Variants in ZFPM2 observed in about 807,000 individuals in gnomAD.
The protein encoded by ZFPM2 is zinc finger protein ZFPM2.
In ZFPM2, 20 loss-of-function variants were observed where a neutral mutation model predicts 98.6. The ratio of observed to expected loss-of-function variants is 0.20; its 90% CI spans 0.14 to 0.29. ZFPM2 has a LOEUF of 0.29. Ranked by LOEUF, ZFPM2 falls within the 10% of genes least tolerant of loss-of-function variation. ZFPM2 has a pLI of 1.00. For synonymous variants in ZFPM2, 518 were observed against 502.7 expected, an observed-to-expected ratio of 1.03 and a Z score of -0.41; for missense variants, 1,310 against 1,388.6, an observed-to-expected ratio of 0.94 and a Z score of 0.90.
chr8:105,700,792 C>T (rs139943487), intron 5 of ZFPM2, among the ~76,000 whole-genome samples: 19,236 of 152,164 alleles, frequency 0.13, 1,513 homozygotes, highest in South Asian at 0.3. Context: ...GACTGGGTTT[C>T]ACCATGTTGG....
At chr8:105,617,020 GAAAAAAAAAAAAAAAAAAAAAAA>G (rs773023421) in intron 4 of ZFPM2, among the ~76,000 whole-genome samples, 28 of 28,136 alleles carry the variant, frequency 1.0e-3, no homozygotes, top group South Asian at 5.5e-3. Context: ...ACTCTGTCTC[GAAAAAAAAAAAAAAAAAAAAAAA>G]AAAAAAAAAA....
chr8:105,766,801 A>G (rs1452701932), intron 5 of ZFPM2, among the ~76,000 whole-genome samples: 1 of 151,836 alleles, frequency 6.6e-6, no homozygotes, highest in Non-Finnish European at 1.5e-5. Flanking sequence ...GGTTGGCAAT[A>G]TTGCCAGCCA....
intron 2 of ZFPM2, among the ~76,000 whole-genome samples, chr8:105,421,692 A>T (rs1042751981): frequency 6.6e-6 from 1 of 152,126 alleles, no homozygotes; most frequent in African/African-American, 2.4e-5. Context: ...GAAATTCTCA[A>T]TTTTTCTCAG....
intron 1 of ZFPM2, among the ~76,000 whole-genome samples, chr8:105,339,624 C>T (rs1812390277): frequency 6.6e-6 from 1 of 151,760 alleles, no homozygotes; most frequent in Non-Finnish European, 1.5e-5. Flanking sequence ...ATTGATAATT[C>T]GACTGCATCT....
Position 105,782,853 on chromosome 8 carries a change from G to A in ZFPM2, c.533-5865G>A, listed in dbSNP as rs1813290132. Among the ~76,000 whole-genome samples, 3 of 152,122 alleles carry A rather than the reference G, an allele frequency of 2.0e-5. No individual in the cohort carries two copies. The South Asian group carries it at 6.2e-4, about 32-fold the overall frequency. On this transcript the variant is annotated intron_variant, in intron 5 of 7. Transcript: ENST00000407775. ...GATTAGTGTATTGAAAATGCACTTCGTTTAAATTTGGGGCATATTAAGCAT... is the reference window on the plus strand; with the variant it reads ...GATTAGTGTATTGAAAATGCACTTCATTTAAATTTGGGGCATATTAAGCAT...
intron 1 of ZFPM2, among the ~76,000 whole-genome samples, chr8:105,416,967 G>A (rs756715254): frequency 6.0e-5 from 9 of 150,052 alleles, no homozygotes; most frequent in Non-Finnish European, 1.2e-4. Context: ...CTACCAAAGA[G>A]TGGTTTGCAT....
At chr8:105,332,730 G>A (rs2129637097) in intron 1 of ZFPM2, among the ~76,000 whole-genome samples, 1 of 151,730 alleles carries the variant, frequency 6.6e-6, no homozygotes. Context: ...TAAGCCTCTA[G>A]GATGAGGTCC....
At chr8:105,688,527 T>A (rs1243443855) in intron 5 of ZFPM2, among the ~76,000 whole-genome samples, 2 of 152,104 alleles carry the variant, frequency 1.3e-5, no homozygotes, top group African/African-American at 4.8e-5. Context: ...ATAAAATATT[T>A]AATGGGCGAA....
intron 4 of ZFPM2, among the ~76,000 whole-genome samples, chr8:105,562,630 T>C (rs1191703116): frequency 2.0e-5 from 3 of 152,166 alleles, no homozygotes; most frequent in Admixed American, 1.3e-4. Context: ...CCTTCCCTCA[T>C]AGACCCCCTT....
intron 1 of ZFPM2, among the ~76,000 whole-genome samples, chr8:105,382,241 C>T (rs1032660423): frequency 2.0e-5 from 3 of 151,966 alleles, no homozygotes; most frequent in Admixed American, 6.6e-5. Flanking sequence ...CACCATCCTT[C>T]TGTGTATGCA....
intron 4 of ZFPM2, among the ~76,000 whole-genome samples, chr8:105,611,166 C>A (rs886222051): frequency 6.6e-6 from 1 of 151,998 alleles, no homozygotes; most frequent in Non-Finnish European, 1.5e-5. Context: ...CAAGTTGCAC[C>A]CTGGCCATTC....
chr8:105,428,388 A>C (rs78604830), intron 2 of ZFPM2, among the ~76,000 whole-genome samples: 3,358 of 152,312 alleles, frequency 0.022, 116 homozygotes, highest in African/African-American at 0.077. Flanking sequence ...ATTTTGTAAT[A>C]AGAGGAGTTG....
intron 5 of ZFPM2, among the ~76,000 whole-genome samples, chr8:105,774,034 A>C (rs1246073568): frequency 6.6e-6 from 1 of 152,180 alleles, no homozygotes; most frequent in African/African-American, 2.4e-5. Context: ...ATGTTGTTTA[A>C]AATCCACGGC....
chr8:105,475,137 A>G (rs1490909593), intron 3 of ZFPM2, among the ~76,000 whole-genome samples: 2 of 152,226 alleles, frequency 1.3e-5, no homozygotes, highest in Non-Finnish European at 2.9e-5. Context: ...GAGGAGTGAC[A>G]AATTTGGTAC....
chr8:105,555,101 G>A (rs1317283178), intron 3 of ZFPM2, among the ~76,000 whole-genome samples: 2 of 151,386 alleles, frequency 1.3e-5, no homozygotes, highest in East Asian at 1.9e-4. Context: ...TTTAAGTTAA[G>A]CTATCATAAG....
At chr8:105,636,387 A>G (rs1393821230) in intron 5 of ZFPM2, among the ~76,000 whole-genome samples, 1 of 152,178 alleles carries the variant, frequency 6.6e-6, no homozygotes, top group Non-Finnish European at 1.5e-5. Context: ...ACTATGTGCT[A>G]ACCTTGTACA....
chr8:105,735,848 G>A (rs1392568197), intron 5 of ZFPM2, among the ~76,000 whole-genome samples: 3 of 151,896 alleles, frequency 2.0e-5, no homozygotes, highest in African/African-American at 4.8e-5. Flanking sequence ...TACTCAGTAG[G>A]TCAAACAGCA....
chr8:105,689,253 T>C (rs1326293680), intron 5 of ZFPM2, among the ~76,000 whole-genome samples: 2 of 152,216 alleles, frequency 1.3e-5, no homozygotes, highest in Non-Finnish European at 2.9e-5. Flanking sequence ...TCACACTTTT[T>C]AAAAAGAGTA....
At chr8:105,799,049 C>A in intron 7 of ZFPM2, 101 bp downstream of exon 7, 1 of 1,076,394 alleles carries the variant, frequency 9.3e-7, no homozygotes, top group Non-Finnish European at 1.3e-6. Context: ...CTATCTGTAG[C>A]TATCTATAAC....
Sources: gnomAD v4.1 joint callset for allele counts (sites outside exome capture counted in the v4.1 genomes callset) on GRCh38, gnomAD v4.1.1 for gene constraint, MANE v1.5 for transcripts, NCBI Gene and HGNC (gene_info 2026-07-23, HGNC 2026-07-21) for gene names.